The following DST variants were observed in gnomAD, a reference collection of about 807,000 sequenced individuals.
DST encodes the protein dystonin, also known as bullous pemphigoid antigen.
A neutral mutation model predicts 875.2 loss-of-function variants in DST; 253 were observed. That is an observed-to-expected ratio of 0.29 (90% CI 0.26 to 0.32). The LOEUF is 0.32. Among genes scored for constraint, DST ranks in the 10% least tolerant of loss-of-function variants. The pLI is 1.00. For synonymous variants in DST, 3,124 were observed against 3,197.1 expected, an observed-to-expected ratio of 0.98 and a Z score of 0.77; for missense variants, 8,287 against 9,111.6, an observed-to-expected ratio of 0.91 and a Z score of 3.68.
intron 4 of DST, among the ~76,000 whole-genome samples, chr6:56,839,741 T>C (rs947117483): frequency 2.0e-5 from 3 of 152,222 alleles, no homozygotes; most frequent in Non-Finnish European, 4.4e-5. Context: ...ATGAAAATTA[T>C]GGTAATCTTC....
In DST at chr6:56,472,272, T is replaced by C. The variant is rs2094932925; in HGVS notation, c.21995-50A>G. The C allele has an allele frequency of 4.4e-6, 7 of 1,578,822 alleles. No individual in the cohort carries two copies. The East Asian group carries it at 1.6e-4, about 36-fold the overall frequency. On this transcript the variant is annotated intron_variant, in intron 93 of 103. Coordinates refer to ENST00000680361, the MANE Select transcript of DST (RefSeq NM_001374736.1). ...GATGGCAGTTTCCAGGGTGCTGAAA[T>C]GTGTTAAGGCTTGACCTTTTTTGCT...
intron 86 of DST, among the ~76,000 whole-genome samples, chr6:56,487,653 T>C (rs1359070): frequency 0.23 from 34,723 of 152,170 alleles, 4,573 homozygotes; most frequent in Middle Eastern, 0.41. Context: ...AGCATCTGTA[T>C]AGTCTTTCTA....
Position 56,477,416 on chromosome 6 carries a change from C to G in DST, c.21604G>C (p.Ala7202Pro). The G allele has an allele frequency of 6.2e-7, 1 of 1,613,968 alleles. No homozygotes were observed. The highest frequency in any genetic ancestry group is 8.5e-7 in the Non-Finnish European group (1 of 1,179,882). The change falls in exon 91 of 104, where the codon GCT becomes CCT. Residue 7202 changes from alanine (A) to proline (P), a missense_variant. Physicochemically the swap from Ala to Pro is conservative, Grantham distance 27 (BLOSUM62 -1). Around this residue, in one of 10 missense-constraint regions of DST, gnomAD observed 1,292 missense variants for 1,552.7 expected, o/e 0.83. Transcript: ENST00000680361. ...KATTMGDTVL[A>P]ICHPDSITTI... ...GTGATGGAGTCGGGGTGGCAGATAG[C>G]CAAAACGGTGTCGCCCATAGTGGTG...
chr6:56,618,729 C>T, intron 36 of DST: 1 of 1,613,944 alleles, frequency 6.2e-7, no homozygotes, highest in South Asian at 1.1e-5. Flanking sequence ...ATATCATTTT[C>T]AGTGATGACT....
Position 56,511,290 on chromosome 6 carries a change from CT to C in DST, c.18686del (p.Lys6229SerfsTer37), listed in dbSNP as rs766712477. Reference sequence around the variant, plus strand: ...TGTAAAGGGTGTCGGCTGCCACATACTTCTCTTGGATAGAAAAGCCTTCCCC... The same window carrying C: ...TGTAAAGGGTGTCGGCTGCCACATACTCTCTTGGATAGAAAAGCCTTCCCC... ...SPGEGFSIQE[K>X]YVAADTLYSQ... On this transcript the variant is annotated frameshift_variant, in exon 73 of 104. Transcript: ENST00000680361. LOFTEE classifies it high-confidence loss of function. 2 of 1,604,828 alleles carry C rather than the reference CT, an allele frequency of 1.2e-6. No homozygotes were observed. Among genetic ancestry groups the C allele is most frequent in the Non-Finnish European group, 1.7e-6 (2 of 1,175,194 alleles).
intron 2 of DST, among the ~76,000 whole-genome samples, chr6:56,910,831 T>C (rs1042604933): frequency 2.0e-5 from 3 of 152,212 alleles, no homozygotes; most frequent in Non-Finnish European, 4.4e-5. Flanking sequence ...AATACAGTGT[T>C]TATTTCATAT....
chr6:56,573,046 C>A lies in DST; in HGVS notation c.13255G>T (p.Ala4419Ser). 1.7e-5 allele frequency: 27 copies of A among 1,576,970 alleles called. No individual in the cohort carries two copies. The highest frequency in any genetic ancestry group is 2.3e-5 in the Non-Finnish European group (27 of 1,163,008). Residue 4419 changes from alanine (A) to serine (S), a missense_variant, in exon 52 of 104, where the codon GCA becomes TCA. Transcript: ENST00000680361. ...SKNIMLEQDI[A>S]GRQSSINAMN... ...GCATTTATACTGCTCTGACGACCTG[C>A]AATATCCTGTTCCAACATCTAAAAT...
chr6:56,750,920 A>G (rs551430059), intron 4 of DST, among the ~76,000 whole-genome samples: 11 of 152,220 alleles, frequency 7.2e-5, no homozygotes, highest in South Asian at 2.1e-4. Context: ...AGCACTGACT[A>G]TATGCCAGGC....
At chr6:56,742,485 T>G (rs944264253) in intron 4 of DST, 21 of 513,672 alleles carry the variant, frequency 4.1e-5, no homozygotes, top group African/African-American at 3.0e-4. Context: ...ACACCTCCTT[T>G]TAAACAAATA....
rs557710440 is a variant in DST, at chr6:56,576,390, A to G, written c.13027+2424T>C. 3.3e-5 allele frequency among the ~76,000 whole-genome samples: 5 copies of G among 152,314 alleles called. No individual in the cohort carries two copies. In the South Asian group the frequency reaches 8.3e-4, roughly 25 times the overall value. On this transcript the variant is annotated intron_variant, in intron 50 of 103. Coordinates refer to ENST00000680361, the MANE Select transcript of DST (RefSeq NM_001374736.1). ...TGGGAATCCTAATTTATAGCTGATC[A>G]GTCTGAAATACGGATCACAATTTGG...
chr6:56,509,766 G>A lies in DST; in HGVS notation c.18888C>T (p.Ile6296=), dbSNP rs1456465402. The part of the protein sequence containing the change: ...SAEVEKIKEQ[I]SENKNVSVDM... ...CTACTGACACATTCTTATTTTCACT[G>A]ATCTGTTCCTTGATCTTCTCAACCT... Residue 6296 remains isoleucine (I), a synonymous_variant, in exon 74 of 104, where the codon ATC becomes ATT. Transcript: ENST00000680361. The A allele has an allele frequency of 2.5e-6, 4 of 1,613,438 alleles. No individual in the cohort carries two copies. The highest frequency in any genetic ancestry group is 3.4e-6 in the Non-Finnish European group (4 of 1,179,748).
chr6:56,602,839 T>C (rs765237866), intron 43 of DST, 43 bp downstream of exon 43: 28 of 1,390,274 alleles, frequency 2.0e-5, no homozygotes, highest in African/African-American at 4.4e-5. Flanking sequence ...ATTAAAGTCA[T>C]AGTTTTTGAA....
At chr6:56,779,796 A>G (rs1221132003) in intron 4 of DST, among the ~76,000 whole-genome samples, 7 of 150,468 alleles carry the variant, frequency 4.7e-5, no homozygotes, top group Non-Finnish European at 8.9e-5. Flanking sequence ...ACATATGTAT[A>G]CATGTGCCAT....
chr6:56,638,080 T>C (rs1361098275), intron 22 of DST, among the ~76,000 whole-genome samples: 1 of 151,566 alleles, frequency 6.6e-6, no homozygotes, highest in African/African-American at 2.4e-5. Flanking sequence ...TGACTAAGGT[T>C]TCATTTTACT....
At chr6:56,620,782 T>G in intron 36 of DST, 1 of 1,442,818 alleles carries the variant, frequency 6.9e-7, no homozygotes, top group Non-Finnish European at 9.7e-7. Context: ...TATGAATCAA[T>G]GTTCATAAAA....
intron 5 of DST, among the ~76,000 whole-genome samples, chr6:56,719,199 T>C (rs1333975333): frequency 1.3e-5 from 2 of 152,228 alleles, no homozygotes; most frequent in Admixed American, 6.5e-5. Flanking sequence ...TAAGACAGAA[T>C]GTTAGACTAT....
chr6:56,503,888 ATTAAGCTGTCATACTTACATTAGGT>A, intron 78 of DST, 84 bp downstream of exon 78: 1 of 674,836 alleles, frequency 1.5e-6, no homozygotes, highest in Non-Finnish European at 2.4e-6. Context: ...TAGCTTTATA[ATTAAGCTGTCATACTTACATTAGGT>A]AAAATAAATT....
chr6:56,733,795 G>T (rs983119820), intron 5 of DST, among the ~76,000 whole-genome samples: 2 of 151,790 alleles, frequency 1.3e-5, no homozygotes, highest in South Asian at 4.2e-4. Flanking sequence ...CCTGTCTGGA[G>T]ACTAACCTCT....
chr6:56,624,607 A>G lies in DST; in HGVS notation c.4852T>C (p.Tyr1618His), dbSNP rs776786063. Residue 1618 changes from tyrosine to histidine, a missense_variant, in exon 36 of 104, where the codon TAT becomes CAT. Physicochemically the swap from Tyr to His is moderately conservative, Grantham distance 83 (BLOSUM62 2). Transcript: ENST00000680361. Reference protein sequence around the residue: ...IQEFMDLRTRYTALVTLMTQY... With the variant: ...IQEFMDLRTRHTALVTLMTQY... Reference sequence around the variant, plus strand: ...GTCATGAGAGTGACCAGGGCAGTATATCGAGTCCTTAGGTCCATGAACTGC... The same window carrying G: ...GTCATGAGAGTGACCAGGGCAGTATGTCGAGTCCTTAGGTCCATGAACTGC... The G allele has an allele frequency of 3.3e-5, 53 of 1,612,874 alleles. No individual in the cohort carries two copies. In the South Asian group the frequency reaches 5.4e-4, roughly 16 times the overall value.
Sources: allele counts gnomAD v4.1 joint callset (sites outside exome capture counted in the v4.1 genomes callset), GRCh38; gene constraint gnomAD v4.1.1; regional missense constraint gnomAD v4.1.1; transcripts MANE v1.5; gene names NCBI Gene and HGNC (gene_info 2026-07-23, HGNC 2026-07-21).